The following PIRT variants were observed in gnomAD, a reference collection of about 807,000 sequenced individuals.
The protein encoded by PIRT is phosphoinositide interacting regulator of transient receptor potential channels, also known as phosphoinositide-interacting protein.
Under a neutral mutation model 7.9 loss-of-function variants are expected in PIRT, and 6 were observed. The observed-to-expected ratio is 0.76, with a 90% CI of 0.42 to 1.51. The LOEUF is 1.51. PIRT is among the 40% of genes most tolerant of loss of function. PIRT has a pLI of 0.01. For synonymous variants in PIRT, 78 were observed against 71.8 expected (o/e 1.09, Z -0.44); for missense variants, 170 against 172.9 (o/e 0.98, Z 0.09).
rs1202421193 is a variant in PIRT, at chr17:10,824,948, A to T, written c.*284T>A. On this transcript the variant is annotated 3_prime_UTR_variant, in exon 2 of 2. Transcript: ENST00000580256. ...CATTGCACTTGGCAGAGAGAGTTGG[A>T]TGAATGATGCCTGGATGCAGGGGCA... 2.3e-6 allele frequency: 1 copy of T among 432,134 alleles called. No homozygotes were observed. Among genetic ancestry groups the T allele is most frequent in the African/African-American group, 2.0e-5 (1 of 51,036 alleles). 26.8% of individuals were successfully genotyped at this position (432,134 alleles called of 1,614,324 possible).
Position 10,823,819 on chromosome 17 carries a change from G to C in PIRT, c.*1413C>G, listed in dbSNP as rs1156530513. ...CAGGAGGCCCTCAATGTGCCTCCAG[G>C]AGAAGCTGCGCTAGGCACTTGGTGA... On this transcript the variant is annotated 3_prime_UTR_variant, in exon 2 of 2. Transcript: ENST00000580256. 6.6e-6 allele frequency: 1 copy of C among 152,210 alleles called. No individual in the cohort carries two copies. Among genetic ancestry groups the C allele is most frequent in the African/African-American group, 2.4e-5 (1 of 41,452 alleles). 9.4% of individuals were successfully genotyped at this position (152,210 alleles called of 1,614,324 possible).
At chr17:10,835,940 T>C (rs1186556106) in intron 1 of PIRT, among the ~76,000 whole-genome samples, 3 of 152,034 alleles carry the variant, frequency 2.0e-5, no homozygotes, top group Non-Finnish European at 4.4e-5. Flanking sequence ...TTTCGCTCTT[T>C]TGCCCAGGCT....
At position 10,825,486 on chromosome 17, in the gene PIRT, T is replaced by C. The variant is rs1441380116; in HGVS notation, c.160A>G (p.Lys54Glu). The change falls in exon 2 of 2, where the codon AAG becomes GAG. Residue 54 changes from lysine (K) to glutamate (E), a missense_variant. Transcript: ENST00000580256. Reference sequence around the variant, plus strand: ...CCCACTGACATGATAACGATGGGCTTGCGGTAGATTTCCCAGTTACTCCTG... The same window carrying C: ...CCCACTGACATGATAACGATGGGCTCGCGGTAGATTTCCCAGTTACTCCTG... ...TPRSNWEIYRKPIVIMSVGGA... is the reference protein window; with the variant it reads ...TPRSNWEIYREPIVIMSVGGA... The C allele has an allele frequency of 1.2e-6, 2 of 1,613,910 alleles. No individual in the cohort carries two copies. Among genetic ancestry groups the C allele is most frequent in the South Asian group, 1.1e-5 (1 of 91,070 alleles).
At chr17:10,827,294 C>T (rs897389019) in intron 1 of PIRT, among the ~76,000 whole-genome samples, 6 of 152,178 alleles carry the variant, frequency 3.9e-5, no homozygotes, top group African/African-American at 1.4e-4. Context: ...GGGGCTCCCT[C>T]ATCACTGACC....
chr17:10,826,709 A>G (rs549912038), intron 1 of PIRT, among the ~76,000 whole-genome samples: 59 of 152,156 alleles, frequency 3.9e-4, no homozygotes, highest in Non-Finnish European at 3.7e-4. Context: ...GAACCCTGTC[A>G]CTCCTACCAG....
intron 1 of PIRT, among the ~76,000 whole-genome samples, chr17:10,827,760 C>T (rs1905368585): frequency 6.6e-6 from 1 of 152,034 alleles, no homozygotes. Flanking sequence ...CAGGTGTGAG[C>T]CACCGCACCC....
rs1254835035 is a variant in PIRT at position 10,822,480 on chromosome 17, T to C, written c.*2752A>G. ...TGAAAACACAGCAGACAGTGTTACATAGAATACAATTCAACATTACATTGA... is the reference window on the plus strand; with the variant it reads ...TGAAAACACAGCAGACAGTGTTACACAGAATACAATTCAACATTACATTGA... On this transcript the variant is annotated 3_prime_UTR_variant, in exon 2 of 2. Transcript: ENST00000580256. 6.6e-6 allele frequency: 1 copy of C among 152,224 alleles called. No homozygotes were observed. The highest frequency in any genetic ancestry group is 2.4e-5 in the African/African-American group (1 of 41,460). The allele number at this position is 152,224 out of a possible 1,614,324, so 9.4% of individuals were successfully genotyped here.
In PIRT at chr17:10,828,149, A is replaced by T. The variant is rs555288064; in HGVS notation, c.-138-2366T>A. ...CCACTTACACACTTATTTATCTTCT[A>T]GCAGGAGCCTGGTGCCTCCCCTGCA... On this transcript the variant is annotated intron_variant, in intron 1 of 1. Coordinates refer to ENST00000580256, the MANE Select transcript of PIRT (RefSeq NM_001101387.2). Among the ~76,000 whole-genome samples, 4 of 152,262 alleles carry T rather than the reference A, an allele frequency of 2.6e-5. No homozygotes were observed. In the South Asian group the frequency reaches 8.3e-4, roughly 32 times the overall value.
Position 10,826,159 on chromosome 17 carries a change from C to T in PIRT, c.-138-376G>A, listed in dbSNP as rs190424590. ...GTGTATTCTTAGTAGAGACGGGTTT[C>T]CACCATGTTGGCCAGGCTGGTCTCG... is the stretch of plus-strand genomic sequence containing the variant. On this transcript the variant is annotated intron_variant, in intron 1 of 1. Transcript: ENST00000580256. Among the ~76,000 whole-genome samples the T allele has an allele frequency of 3.5e-3, 540 of 152,144 alleles. 3 individuals carry two copies. Among genetic ancestry groups the T allele is most frequent in the African/African-American group, 0.012 (478 of 41,524 alleles).
At chr17:10,831,960 T>C (rs1008988569) in intron 1 of PIRT, among the ~76,000 whole-genome samples, 3 of 152,170 alleles carry the variant, frequency 2.0e-5, no homozygotes, top group African/African-American at 4.8e-5. Context: ...GGGGACTTAA[T>C]TACAGTACAC....
intron 1 of PIRT, 23 bp from the exon 2 acceptor site, chr17:10,825,806 A>G (rs1360693545): frequency 1.6e-6 from 1 of 634,938 alleles, no homozygotes; most frequent in African/African-American, 1.9e-5. Flanking sequence ...AAGAAAATGA[A>G]ATGAAATTCA....
chr17:10,825,327 C>T lies in PIRT; in HGVS notation c.319G>A (p.Gly107Arg), dbSNP rs780812633. ...LSLGLMMLVC[G>R]LVWVPIIKKK... ...TTGATGATGGGCACCCACACCAGCC[C>T]GCACACCAGCATCATGAGTCCCAGG... Residue 107 changes from glycine (G) to arginine (R), a missense_variant, in exon 2 of 2, where the codon GGG becomes AGG. Coordinates refer to ENST00000580256, the MANE Select transcript of PIRT (RefSeq NM_001101387.2). The T allele has an allele frequency of 1.1e-5, 18 of 1,613,788 alleles. No individual in the cohort carries two copies. Among genetic ancestry groups the T allele is most frequent in the East Asian group, 2.2e-5 (1 of 44,890 alleles).
chr17:10,837,559 T>C (rs1205798353), intron 1 of PIRT, among the ~76,000 whole-genome samples: 6 of 149,514 alleles, frequency 4.0e-5, no homozygotes, highest in African/African-American at 1.5e-4. Context: ...CACTTTCCTG[T>C]CTGGCTTTTT....
At position 10,823,822 on chromosome 17, in the gene PIRT, AAGCTGCGCT is replaced by A. The variant is rs1438822480; in HGVS notation, c.*1401_*1409del. On this transcript the variant is annotated 3_prime_UTR_variant, in exon 2 of 2. Transcript: ENST00000580256. ...GAGGCCCTCAATGTGCCTCCAGGAG[AAGCTGCGCT>A]AGGCACTTGGTGAAGAGGTGGGAAG... The A allele has an allele frequency of 6.6e-6, 1 of 152,110 alleles. No individual in the cohort carries two copies. Among genetic ancestry groups the A allele is most frequent in the Non-Finnish European group, 1.5e-5 (1 of 68,032 alleles). The allele number at this position is 152,110 out of a possible 1,614,324, so 9.4% of individuals were successfully genotyped here. A position where few individuals can be genotyped will look rare whatever the true frequency, so the allele number is the denominator to read the frequency against.
At chr17:10,836,021 G>A (rs530296170) in intron 1 of PIRT, among the ~76,000 whole-genome samples, 12 of 151,836 alleles carry the variant, frequency 7.9e-5, no homozygotes, top group African/African-American at 2.9e-4. Context: ...TCCTGCCTCA[G>A]CCTCCTGAGT....
Position 10,825,515 on chromosome 17 carries a change from G to A in PIRT, c.131C>T (p.Thr44Ile), listed in dbSNP as rs1219386675. ...SSRSESVWTTTPRSNWEIYRK... is the reference protein window; with the variant it reads ...SSRSESVWTTIPRSNWEIYRK... Reference sequence around the variant, plus strand: ...GTAGATTTCCCAGTTACTCCTGGGGGTGGTGGTCCAGACAGACTCGCTCCT... The same window carrying A: ...GTAGATTTCCCAGTTACTCCTGGGGATGGTGGTCCAGACAGACTCGCTCCT... Residue 44 changes from threonine to isoleucine, a missense_variant, in exon 2 of 2, where the codon ACC (threonine) becomes ATC (isoleucine). By Grantham distance (89) the Thr-to-Ile change is moderately conservative (BLOSUM62 -1). Coordinates refer to ENST00000580256, the MANE Select transcript of PIRT (RefSeq NM_001101387.2). 1 of 1,613,596 alleles carries A rather than the reference G, an allele frequency of 6.2e-7. No individual in the cohort carries two copies. The highest frequency in any genetic ancestry group is 8.5e-7 in the Non-Finnish European group (1 of 1,179,740).
rs1488396236 is a variant in PIRT at position 10,825,313 on chromosome 17, C to G, written c.333G>C (p.Val111=). 1 of 1,613,932 alleles carries G rather than the reference C, an allele frequency of 6.2e-7. No homozygotes were observed. The highest frequency in any genetic ancestry group is 2.2e-5 in the East Asian group (1 of 44,882). Residue 111 remains valine, a synonymous_variant, in exon 2 of 2, where the codon GTG becomes GTC. Coordinates refer to ENST00000580256, the MANE Select transcript of PIRT (RefSeq NM_001101387.2). ...GCTTCTGTTTCTTTTTGATGATGGG[C>G]ACCCACACCAGCCCGCACACCAGCA... The part of the protein sequence containing the change: ...LMMLVCGLVW[V]PIIKKKQKHR...
intron 1 of PIRT, among the ~76,000 whole-genome samples, chr17:10,829,965 GTCTATCTATCTA>G (rs10561822): frequency 0.031 from 4,711 of 149,584 alleles, 158 homozygotes; most frequent in African/African-American, 0.079. Flanking sequence ...ATGTCTGTCT[GTCTATCTATCTA>G]TCTATCTATC....
At chr17:10,834,394 C>G (rs1304810324) in intron 1 of PIRT, among the ~76,000 whole-genome samples, 2 of 152,068 alleles carry the variant, frequency 1.3e-5, no homozygotes, top group Non-Finnish European at 2.9e-5. Context: ...TTCCATCTAC[C>G]TGGCATTCTG....
Sources: allele counts gnomAD v4.1 joint callset (sites outside exome capture counted in the v4.1 genomes callset), GRCh38; gene constraint gnomAD v4.1.1; transcripts MANE v1.5; gene names NCBI Gene and HGNC (gene_info 2026-07-23, HGNC 2026-07-21).